Variants in NBEA observed in about 807,000 individuals in gnomAD.
NBEA encodes the protein lysosomal-trafficking regulator 2.
Under a neutral mutation model 343.4 loss-of-function variants are expected in NBEA, and 44 were observed. The ratio of observed to expected loss-of-function variants is 0.13; its 90% CI spans 0.10 to 0.16. NBEA has a LOEUF of 0.16. NBEA is among the 10% of genes least tolerant of loss of function. The probability of loss-of-function intolerance (pLI) is 1.00; values close to 1 mark genes in which losing one functional copy is unlikely to be tolerated. For synonymous variants in NBEA, 1,175 were observed against 1,238.7 expected (o/e 0.95, Z 1.08); for missense variants, 2,555 against 3,631.3 (o/e 0.70, Z 7.62).
chr13:34,976,865 G>A (rs1325855525), intron 1 of NBEA, among the ~76,000 whole-genome samples: 2 of 150,690 alleles, frequency 1.3e-5, no homozygotes, highest in African/African-American at 2.4e-5. Context: ...TTTTTCTCCA[G>A]GAAGATTGTT....
At chr13:35,338,156 C>T (rs966209616) in intron 36 of NBEA, among the ~76,000 whole-genome samples, 6 of 151,222 alleles carry the variant, frequency 4.0e-5, no homozygotes, top group African/African-American at 1.5e-4. Context: ...AGTAATAAAG[C>T]TTAATAAAAC....
chr13:35,078,222 G>A (rs1045227821), intron 10 of NBEA, among the ~76,000 whole-genome samples: 6 of 152,148 alleles, frequency 3.9e-5, no homozygotes, highest in African/African-American at 1.4e-4. Context: ...CTGTTTAACA[G>A]ATCTTGTTTA....
At chr13:35,312,687 G>A (rs1566603360) in intron 36 of NBEA, among the ~76,000 whole-genome samples, 1 of 152,186 alleles carries the variant, frequency 6.6e-6, no homozygotes, top group Non-Finnish European at 1.5e-5. Context: ...GAGGATGGAA[G>A]AAGTGAACAA....
At chr13:35,123,830 G>A (rs1333795159) in intron 17 of NBEA, among the ~76,000 whole-genome samples, 1 of 152,048 alleles carries the variant, frequency 6.6e-6, no homozygotes, top group Admixed American at 6.6e-5. Flanking sequence ...CTATTCTGAA[G>A]ATGTAATAAA....
chr13:35,428,985 G>T (rs2044907177), intron 38 of NBEA, among the ~76,000 whole-genome samples: 1 of 152,138 alleles, frequency 6.6e-6, no homozygotes, highest in Non-Finnish European at 1.5e-5. Context: ...GCTTGATGGG[G>T]GTGGGAGTTC....
chr13:35,652,363 G>A (rs562169235), intron 53 of NBEA, among the ~76,000 whole-genome samples: 58 of 150,728 alleles, frequency 3.8e-4, no homozygotes, highest in South Asian at 1.3e-3. Context: ...AAAAAGGGCC[G>A]GGCATGGTGG....
intron 41 of NBEA, among the ~76,000 whole-genome samples, chr13:35,487,046 T>G (rs2076328917): frequency 6.6e-6 from 1 of 151,980 alleles, no homozygotes; most frequent in Non-Finnish European, 1.5e-5. Flanking sequence ...ATAGTTTTAC[T>G]ATGTAATATC....
intron 34 of NBEA, among the ~76,000 whole-genome samples, chr13:35,242,471 A>G (rs2030471942): frequency 6.6e-6 from 1 of 151,834 alleles, no homozygotes; most frequent in South Asian, 2.1e-4. Context: ...AAAGAAAGAG[A>G]AAAGGGCAGA....
At chr13:35,200,483 A>G (rs1219705184) in intron 31 of NBEA, among the ~76,000 whole-genome samples, 1 of 150,698 alleles carries the variant, frequency 6.6e-6, no homozygotes, top group African/African-American at 2.4e-5. Context: ...ATAGAGGGCA[A>G]TGTGCTTCTC....
intron 1 of NBEA, among the ~76,000 whole-genome samples, chr13:35,025,791 C>CA (rs2062000888): frequency 6.6e-6 from 1 of 152,078 alleles, no homozygotes; most frequent in South Asian, 2.1e-4. Flanking sequence ...TCTCCATCTT[C>CA]ATTTTGTTTT....
At chr13:35,013,047 A>G (rs1375827946) in intron 1 of NBEA, among the ~76,000 whole-genome samples, 1 of 152,218 alleles carries the variant, frequency 6.6e-6, no homozygotes, top group Non-Finnish European at 1.5e-5. Context: ...TAAGGGGTAG[A>G]TGGTTGAAAA....
chr13:35,335,751 A>G (rs536897202), intron 36 of NBEA, among the ~76,000 whole-genome samples: 7 of 152,232 alleles, frequency 4.6e-5, no homozygotes, highest in African/African-American at 1.7e-4. Flanking sequence ...GTAAAAGATA[A>G]GAGTTTAGGC....
intron 38 of NBEA, among the ~76,000 whole-genome samples, chr13:35,395,608 G>A (rs2042708052): frequency 6.6e-6 from 1 of 152,028 alleles, no homozygotes; most frequent in African/African-American, 2.4e-5. Context: ...GGAAAATAAT[G>A]TACATTTTTC....
chr13:35,255,828 C>G (rs1223462223), intron 34 of NBEA, among the ~76,000 whole-genome samples: 4 of 152,218 alleles, frequency 2.6e-5, no homozygotes, highest in Non-Finnish European at 5.9e-5. Context: ...TCAGTCCCAC[C>G]ATTTGGTGAG....
At chr13:35,428,880 G>A (rs1183160554) in intron 38 of NBEA, among the ~76,000 whole-genome samples, 3 of 152,038 alleles carry the variant, frequency 2.0e-5, no homozygotes, top group Non-Finnish European at 4.4e-5. Context: ...TCTGGAAGTG[G>A]GGACACTGCC....
intron 28 of NBEA, 43 bp from the exon 29 acceptor site, chr13:35,182,317 T>G: frequency 6.4e-7 from 1 of 1,553,540 alleles, no homozygotes; most frequent in Non-Finnish European, 8.7e-7. Flanking sequence ...AACTTATACT[T>G]CAAAAAGTTT....
chr13:35,670,569 G>T (rs188322356), intron 58 of NBEA, among the ~76,000 whole-genome samples: 1 of 152,214 alleles, frequency 6.6e-6, no homozygotes, highest in Admixed American at 6.5e-5. Context: ...GAAGCCAATA[G>T]ATGCCCAAAA....
At chr13:35,585,007 C>G (rs539279486) in intron 46 of NBEA, among the ~76,000 whole-genome samples, 14 of 151,024 alleles carry the variant, frequency 9.3e-5, no homozygotes, top group African/African-American at 2.4e-4. Context: ...TGCTCTCCCC[C>G]CCTCCCTCAT....
rs112602410 is a variant in NBEA at position 35,083,350 on chromosome 13, G to A, written c.1571+12498G>A. ...GTAGTATAGTTTGAAGTCAGGTAGC[G>A]TGATGCCTCCAGGGTCGGGTTACCC... On this transcript the variant is annotated intron_variant, in intron 10 of 58. Coordinates refer to ENST00000379939, the MANE Select transcript of NBEA (RefSeq NM_001385012.1). Among the ~76,000 whole-genome samples the A allele has an allele frequency of 7.2e-3, 1,092 of 151,788 alleles. 15 individuals carry two copies. The highest frequency in any genetic ancestry group is 0.025 in the African/African-American group (1,032 of 41,442).
Sources: gnomAD v4.1 joint callset for allele counts (sites outside exome capture counted in the v4.1 genomes callset) on GRCh38, gnomAD v4.1.1 for gene constraint, MANE v1.5 for transcripts, NCBI Gene and HGNC (gene_info 2026-07-23, HGNC 2026-07-21) for gene names.